SELENOI: variants seen among roughly 807,000 people sequenced by gnomAD.
SELENOI encodes selenoprotein I.
A neutral mutation model predicts 50.7 loss-of-function variants in SELENOI; 24 were observed. The ratio of observed to expected loss-of-function variants is 0.47; its 90% CI spans 0.34 to 0.67. SELENOI has a LOEUF of 0.67. Ranked by LOEUF, SELENOI falls within the 30% of genes least tolerant of loss-of-function variation. The pLI is 0.01. For synonymous variants in SELENOI, 155 were observed against 170.2 expected, an observed-to-expected ratio of 0.91 and a Z score of 0.70; for missense variants, 352 against 461.4, an observed-to-expected ratio of 0.76 and a Z score of 2.17.
chr2:26,369,409 T>C (rs982973802), intron 4 of SELENOI, among the ~76,000 whole-genome samples: 1 of 152,246 alleles, frequency 6.6e-6, no homozygotes, highest in African/African-American at 2.4e-5. Context: ...TCACTCTTGC[T>C]GCTTATTCTG....
chr2:26,380,871 C>A lies in SELENOI; in HGVS notation c.683-2428C>A, dbSNP rs72852738. Reference sequence around the variant, plus strand: ...ACAGTTTTAATTTGCCTTTCTCTTACTATGAATGAGCTTTTCTAGTGTTTA... The same window carrying A: ...ACAGTTTTAATTTGCCTTTCTCTTAATATGAATGAGCTTTTCTAGTGTTTA... On this transcript the variant is annotated intron_variant, in intron 6 of 9. Transcript: ENST00000260585. Among the ~76,000 whole-genome samples the A allele has an allele frequency of 3.9e-5, 6 of 152,256 alleles. No homozygotes were observed. The East Asian group carries it at 7.7e-4, about 20-fold the overall frequency.
intron 6 of SELENOI, among the ~76,000 whole-genome samples, chr2:26,375,360 A>G (rs1042797238): frequency 2.0e-5 from 3 of 152,182 alleles, no homozygotes; most frequent in African/African-American, 7.2e-5. Flanking sequence ...GCTATTTCTA[A>G]TCAGAGGGAA....
chr2:26,351,498 CTG>C (rs1358606731), intron 1 of SELENOI, among the ~76,000 whole-genome samples: 2 of 152,154 alleles, frequency 1.3e-5, no homozygotes, highest in African/African-American at 4.8e-5. Flanking sequence ...ACGAGTGAAA[CTG>C]TCATAAATCA....
Position 26,383,337 on chromosome 2 carries a change from A to G in SELENOI, c.721A>G (p.Asn241Asp). ...TGTGACTCTTCCAATGAGTTTATTA[A>G]ACTTTTTCAGGTAAGTATTTTATTT... ...LCVTLPMSLL[N>D]FFRSYKNNTL... The change falls in exon 7 of 10, where the codon AAC becomes GAC. Residue 241 changes from asparagine (N) to aspartate (D), a missense_variant. Physicochemically the swap from Asn to Asp is conservative, Grantham distance 23. Transcript: ENST00000260585. The G allele has an allele frequency of 5.8e-6, 9 of 1,538,774 alleles. No homozygotes were observed. Among genetic ancestry groups the G allele is most frequent in the Non-Finnish European group, 7.9e-6 (9 of 1,133,944 alleles).
At chr2:26,373,691 C>T in intron 5 of SELENOI, 62 bp downstream of exon 5, 2 of 1,524,052 alleles carry the variant, frequency 1.3e-6, no homozygotes, top group Non-Finnish European at 1.8e-6. Context: ...AAGCTTTTGT[C>T]ATTGCTTATT....
In SELENOI at chr2:26,392,503, C is replaced by T. The variant is rs919579245; in HGVS notation, c.*3400C>T. ...AAGCCTATTTGTAATTCTTCCTCTT[C>T]GTTCTTCACCTGGGTTTCCTCTTAT... On this transcript the variant is annotated 3_prime_UTR_variant, in exon 10 of 10. Coordinates refer to ENST00000260585, the MANE Select transcript of SELENOI (RefSeq NM_033505.4). 3 of 152,204 alleles carry T rather than the reference C, an allele frequency of 2.0e-5. No individual in the cohort carries two copies. Among genetic ancestry groups the T allele is most frequent in the Non-Finnish European group, 4.4e-5 (3 of 68,058 alleles). The allele number at this position is 152,204 out of a possible 1,614,324, so 9.4% of individuals were successfully genotyped here.
At chr2:26,370,916 G>GCCGGGCGGGGGGCTGAC (rs2147953890) in intron 4 of SELENOI, among the ~76,000 whole-genome samples, 1 of 97,042 alleles carries the variant, frequency 1.0e-5, no homozygotes, top group South Asian at 3.1e-4. Context: ...GGGGCGGCTG[G>GCCGGGCGGGGGGCTGAC]CCGGGCGGGG....
At chr2:26,360,513 A>G (rs1379055472) in intron 1 of SELENOI, among the ~76,000 whole-genome samples, 1 of 152,222 alleles carries the variant, frequency 6.6e-6, no homozygotes, top group Admixed American at 6.5e-5. Flanking sequence ...TTTAGATTAA[A>G]GTTAAATTAT....
chr2:26,346,206 G>C lies in SELENOI; in HGVS notation c.-27G>C. ...AGCCTTGTAGCCGGGAGTCGCTGCC[G>C]AGTGGGCGCTCAGTTTTCGGGTCGT... On this transcript the variant is annotated 5_prime_UTR_variant, in exon 1 of 10. Coordinates refer to ENST00000260585, the MANE Select transcript of SELENOI (RefSeq NM_033505.4). 1.9e-6 allele frequency: 3 copies of C among 1,613,582 alleles called. No individual in the cohort carries two copies. The highest frequency in any genetic ancestry group is 2.5e-6 in the Non-Finnish European group (3 of 1,179,662).
At position 26,349,670 on chromosome 2, in the gene SELENOI, G is replaced by GTTTTTT. The variant is rs372398913; in HGVS notation, c.57+3395_57+3400dup. 3.1e-4 allele frequency among the ~76,000 whole-genome samples: 36 copies of GTTTTTT among 115,144 alleles called. 1 individual carries two copies. The highest frequency in any genetic ancestry group is 6.0e-4 in the South Asian group (2 of 3,334). 75.5% of individuals were successfully genotyped at this position (115,144 alleles called of 152,430 possible). A position where few individuals can be genotyped will look rare whatever the true frequency, so the allele number is the denominator to read the frequency against. ...TATCTAAGGGTGAAACTGCAAGTTG[G>GTTTTTT]TTTTTTTTTTTTTTTTTTTGTCCTG... is the stretch of plus-strand genomic sequence containing the variant. On this transcript the variant is annotated intron_variant, in intron 1 of 9. Coordinates refer to ENST00000260585, the MANE Select transcript of SELENOI (RefSeq NM_033505.4).
At chr2:26,358,528 A>G (rs1359385207) in intron 1 of SELENOI, among the ~76,000 whole-genome samples, 1 of 152,200 alleles carries the variant, frequency 6.6e-6, no homozygotes, top group African/African-American at 2.4e-5. Flanking sequence ...CCCGGTCCAT[A>G]ATAGCAGTCT....
intron 3 of SELENOI, 144 bp from the exon 4 acceptor site, chr2:26,367,002 T>G: frequency 3.1e-6 from 2 of 636,602 alleles, no homozygotes; most frequent in South Asian, 6.3e-5. Context: ...CTGGTATTAT[T>G]TACGTAATTC....
chr2:26,358,211 T>A (rs1296403409), intron 1 of SELENOI, among the ~76,000 whole-genome samples: 9 of 152,188 alleles, frequency 5.9e-5, no homozygotes, highest in Admixed American at 5.9e-4. Context: ...AAGACAAGCC[T>A]GGCCAACATG....
chr2:26,354,788 A>G (rs1677033347), intron 1 of SELENOI, among the ~76,000 whole-genome samples: 2 of 152,150 alleles, frequency 1.3e-5, no homozygotes. Context: ...AGATGGGGAA[A>G]ATGTAGTGGA....
At chr2:26,370,055 T>C (rs965194953) in intron 4 of SELENOI, among the ~76,000 whole-genome samples, 11 of 150,788 alleles carry the variant, frequency 7.3e-5, no homozygotes, top group African/African-American at 2.7e-4. Flanking sequence ...GGAGTGGTGA[T>C]GACTCTTAAT....
intron 6 of SELENOI, among the ~76,000 whole-genome samples, chr2:26,379,356 G>A (rs1388578876): frequency 6.6e-6 from 1 of 152,004 alleles, no homozygotes; most frequent in Non-Finnish European, 1.5e-5. Context: ...TAGGTCATTT[G>A]GCCAATAGAA....
rs1164707676 is a variant in SELENOI at position 26,371,849 on chromosome 2, TG to T, written c.311-1514del. On this transcript the variant is annotated intron_variant, in intron 4 of 9. Coordinates refer to ENST00000260585, the MANE Select transcript of SELENOI (RefSeq NM_033505.4). ...TCGGCTCGGCATGAGAGGGAGACCA[TG>T]GGGAGAGGGAAACCATGGGGAGAGG... Among the ~76,000 whole-genome samples the T allele has an allele frequency of 2.6e-5, 4 of 151,440 alleles. No individual in the cohort carries two copies. The East Asian group carries it at 7.8e-4, about 30-fold the overall frequency.
At chr2:26,348,514 A>T (rs758836286) in intron 1 of SELENOI, among the ~76,000 whole-genome samples, 8 of 152,238 alleles carry the variant, frequency 5.3e-5, no homozygotes, top group Non-Finnish European at 1.0e-4. Context: ...AGGAAACTAT[A>T]AGACAATTGA....
chr2:26,358,265 A>G (rs1677104339), intron 1 of SELENOI, among the ~76,000 whole-genome samples: 1 of 152,068 alleles, frequency 6.6e-6, no homozygotes, highest in South Asian at 2.1e-4. Flanking sequence ...TAGCCAGGCT[A>G]TGGGGTGCAC....
Sources: gnomAD v4.1 joint callset for allele counts (sites outside exome capture counted in the v4.1 genomes callset) on GRCh38, gnomAD v4.1.1 for gene constraint, MANE v1.5 for transcripts, NCBI Gene and HGNC (gene_info 2026-07-23, HGNC 2026-07-21) for gene names.